Variants in VRK2 observed in about 807,000 individuals in gnomAD.
VRK2 encodes the protein VRK serine/threonine kinase 2.
A neutral mutation model predicts 57.6 loss-of-function variants in VRK2; 60 were observed. That is an observed-to-expected ratio of 1.04 (90% confidence interval 0.85 to 1.29). The LOEUF is 1.29. VRK2 is among the 50% of genes most tolerant of loss of function. The pLI, the probability that VRK2 is intolerant of heterozygous loss-of-function variation, is 0.00. For missense variants in VRK2, 705 were observed against 588.1 expected, an observed-to-expected ratio of 1.20 and a Z score of -2.06; for synonymous variants, 231 against 199.2, an observed-to-expected ratio of 1.16 and a Z score of -1.35.
At chr2:58,001,142 T>C (rs1673076763) in intron 1 of VRK2, among the ~76,000 whole-genome samples, 1 of 152,152 alleles carries the variant, frequency 6.6e-6, no homozygotes, top group African/African-American at 2.4e-5. Context: ...CCCAAGACAG[T>C]TTTTGAACTG....
At chr2:57,913,365 C>T (rs1010091100) in intron 1 of VRK2, among the ~76,000 whole-genome samples, 3 of 152,092 alleles carry the variant, frequency 2.0e-5, no homozygotes, top group African/African-American at 7.2e-5. Flanking sequence ...AAATTACTTC[C>T]TACATAATAA....
chr2:58,057,535 A>C (rs1676706500), intron 2 of VRK2, among the ~76,000 whole-genome samples: 1 of 152,302 alleles, frequency 6.6e-6, no homozygotes, highest in East Asian at 1.9e-4. Flanking sequence ...TCTGAGTAGT[A>C]TTTAATTGAA....
intron 1 of VRK2, among the ~76,000 whole-genome samples, chr2:58,000,849 A>G (rs925791923): frequency 1.3e-5 from 2 of 152,250 alleles, no homozygotes; most frequent in African/African-American, 4.8e-5. Context: ...AGATAGTAAT[A>G]ATACAAATAG....
intron 2 of VRK2, among the ~76,000 whole-genome samples, chr2:58,053,464 T>C (rs1676054832): frequency 1.3e-5 from 2 of 152,202 alleles, no homozygotes; most frequent in Non-Finnish European, 2.9e-5. Context: ...GAATCTTTTG[T>C]TGGCGGATAG....
intron 2 of VRK2, among the ~76,000 whole-genome samples, chr2:58,071,658 A>G (rs183064831): frequency 2.2e-4 from 33 of 151,538 alleles, no homozygotes; most frequent in Non-Finnish European, 4.1e-4. Flanking sequence ...CTATTTGTCT[A>G]TTTTTTTTGC....
At chr2:58,118,435 A>G (rs1427052653) in intron 7 of VRK2, among the ~76,000 whole-genome samples, 1 of 152,212 alleles carries the variant, frequency 6.6e-6, no homozygotes, top group African/African-American at 2.4e-5. Context: ...CCAGAAAATG[A>G]AAGGAATTGA....
intron 2 of VRK2, among the ~76,000 whole-genome samples, chr2:58,062,909 A>G (rs1204879581): frequency 6.6e-6 from 1 of 152,114 alleles, no homozygotes; most frequent in East Asian, 1.9e-4. Flanking sequence ...TGTAAATGAA[A>G]CAGCCTTCTA....
intron 3 of VRK2, among the ~76,000 whole-genome samples, chr2:58,084,364 C>T (rs950476506): frequency 2.0e-5 from 3 of 151,748 alleles, no homozygotes; most frequent in Non-Finnish European, 4.4e-5. Flanking sequence ...TTCTCTTTCC[C>T]TCCCAAATGC....
chr2:57,945,509 T>C (rs547801041), intron 1 of VRK2, among the ~76,000 whole-genome samples: 2 of 152,316 alleles, frequency 1.3e-5, no homozygotes, highest in Admixed American at 6.5e-5. Flanking sequence ...CCTGTAAAGT[T>C]TGCTGAGAAA....
intron 1 of VRK2, among the ~76,000 whole-genome samples, chr2:57,995,419 G>T (rs971326742): frequency 6.6e-6 from 1 of 152,100 alleles, no homozygotes; most frequent in African/African-American, 2.4e-5. Flanking sequence ...TTTCTCGAAA[G>T]CTCAAATTTT....
At chr2:58,144,100 T>C (rs1681756268) in intron 11 of VRK2, among the ~76,000 whole-genome samples, 1 of 151,786 alleles carries the variant, frequency 6.6e-6, no homozygotes, top group South Asian at 2.1e-4. Flanking sequence ...TGCAACATCA[T>C]GGATGAATCT....
At position 58,137,988 on chromosome 2, in the gene VRK2, G is replaced by A. The variant is rs114477533; in HGVS notation, c.857-1678G>A. Reference sequence around the variant, plus strand: ...TATTTTCTCCCCCTCCTACCTCACTGGTACCTCATTTTTCCAAACCCCAGT... The same window carrying A: ...TATTTTCTCCCCCTCCTACCTCACTAGTACCTCATTTTTCCAAACCCCAGT... On this transcript the variant is annotated intron_variant, in intron 10 of 12. Coordinates refer to ENST00000340157, the MANE Select transcript of VRK2 (RefSeq NM_006296.7). Among the ~76,000 whole-genome samples the A allele has an allele frequency of 5.5e-3, 843 of 152,142 alleles. 10 individuals are homozygous for A. Among genetic ancestry groups the A allele is most frequent in the African/African-American group, 0.018 (764 of 41,500 alleles).
intron 1 of VRK2, among the ~76,000 whole-genome samples, chr2:57,987,470 T>C (rs1415648249): frequency 6.6e-6 from 1 of 152,110 alleles, no homozygotes; most frequent in Non-Finnish European, 1.5e-5. Context: ...CATACCTATT[T>C]GAATAGCTTT....
chr2:57,995,990 AC>A (rs1431243448), intron 1 of VRK2, among the ~76,000 whole-genome samples: 1 of 152,236 alleles, frequency 6.6e-6, no homozygotes, highest in Non-Finnish European at 1.5e-5. Context: ...TTTGGAAAAA[AC>A]AATACAAGAA....
Position 58,048,926 on chromosome 2 carries a change from G to A in VRK2, c.95G>A (p.Gly32Asp), listed in dbSNP as rs1320997368. The A allele has an allele frequency of 1.2e-6, 2 of 1,613,846 alleles. No homozygotes were observed. Among genetic ancestry groups the A allele is most frequent in the African/African-American group, 2.7e-5 (2 of 74,904 alleles). ...ATGGAAGGCAATCAGTGGGTACTGG[G>A]CAAGAAGATTGGCTCTGGAGGATTT... The part of the protein sequence containing the change: ...DDMEGNQWVL[G>D]KKIGSGGFGL... Residue 32 changes from glycine to aspartate, a missense_variant, in exon 2 of 13, where the codon GGC becomes GAC. Physicochemically the swap from Gly to Asp is moderately conservative, Grantham distance 94 (BLOSUM62 -1). Coordinates refer to ENST00000340157, the MANE Select transcript of VRK2 (RefSeq NM_006296.7).
chr2:57,967,780 A>C (rs1333413281), intron 1 of VRK2, among the ~76,000 whole-genome samples: 3 of 150,872 alleles, frequency 2.0e-5, no homozygotes, highest in African/African-American at 7.5e-5. Flanking sequence ...TCATTAAACA[A>C]ATAAAAATAT....
At chr2:57,954,104 T>A (rs1004095091) in intron 1 of VRK2, among the ~76,000 whole-genome samples, 4 of 152,156 alleles carry the variant, frequency 2.6e-5, no homozygotes, top group Non-Finnish European at 4.4e-5. Context: ...TACATATTTA[T>A]ATTTCTGCCA....
chr2:58,080,523 T>C (rs1447028727), intron 2 of VRK2, among the ~76,000 whole-genome samples: 1 of 151,940 alleles, frequency 6.6e-6, no homozygotes, highest in Admixed American at 6.6e-5. Context: ...TTTTGACATG[T>C]ATTTTGAATT....
intron 1 of VRK2, among the ~76,000 whole-genome samples, chr2:57,989,384 T>C (rs945166630): frequency 1.3e-5 from 2 of 152,262 alleles, no homozygotes; most frequent in African/African-American, 4.8e-5. Flanking sequence ...ATAATTCTAA[T>C]ATCACTTCAT....
Sources: allele counts gnomAD v4.1 joint callset (sites outside exome capture counted in the v4.1 genomes callset), GRCh38; gene constraint gnomAD v4.1.1; transcripts MANE v1.5; gene names NCBI Gene and HGNC (gene_info 2026-07-23, HGNC 2026-07-21).